TRIM23: variants seen among roughly 807,000 people sequenced by gnomAD.
TRIM23 encodes the protein E3 ubiquitin-protein ligase TRIM23.
Under a neutral mutation model 71.0 loss-of-function variants are expected in TRIM23, and 27 were observed. That is an observed-to-expected ratio of 0.38 (90% confidence interval 0.28 to 0.52). The LOEUF (loss-of-function observed/expected upper bound fraction) is 0.52, where lower values mean the gene tolerates loss of function less well. Ranked by LOEUF, TRIM23 falls within the 20% of genes least tolerant of loss-of-function variation. The pLI, the probability that TRIM23 is intolerant of heterozygous loss-of-function variation, is 0.84. For missense variants in TRIM23, 482 were observed against 692.3 expected, an observed-to-expected ratio of 0.70 and a Z score of 3.41; for synonymous variants, 234 against 238.0, an observed-to-expected ratio of 0.98 and a Z score of 0.16.
chr5:65,591,325 G>T lies in TRIM23; in HGVS notation c.*444C>A. On this transcript the variant is annotated 3_prime_UTR_variant, in exon 11 of 11. Transcript: ENST00000231524. Reference sequence around the variant, plus strand: ...ACTGTCATTTCTACTACTAAATGCTGCCAACATTCAGTGAAAAGGCAGGTT... The same window carrying T: ...ACTGTCATTTCTACTACTAAATGCTTCCAACATTCAGTGAAAAGGCAGGTT... 7.0e-7 allele frequency: 1 copy of T among 1,424,908 alleles called. No homozygotes were observed. The highest frequency in any genetic ancestry group is 9.2e-7 in the Non-Finnish European group (1 of 1,089,428). The allele number at this position is 1,424,908 out of a possible 1,614,324, so 88.3% of individuals were successfully genotyped here. A position where few individuals can be genotyped will look rare whatever the true frequency, so the allele number is the denominator to read the frequency against.
chr5:65,615,814 T>C (rs996260211), intron 2 of TRIM23, among the ~76,000 whole-genome samples: 1 of 152,252 alleles, frequency 6.6e-6, no homozygotes, highest in Non-Finnish European at 1.5e-5. Flanking sequence ...CACTTAATTC[T>C]GTGTCAAAAC....
At chr5:65,608,043 G>C (rs1754552349) in intron 6 of TRIM23, among the ~76,000 whole-genome samples, 1 of 152,134 alleles carries the variant, frequency 6.6e-6, no homozygotes, top group Non-Finnish European at 1.5e-5. Flanking sequence ...TTATTAACTA[G>C]GTAGCTAAAA....
intron 6 of TRIM23, among the ~76,000 whole-genome samples, chr5:65,605,804 C>A (rs1754479767): frequency 6.6e-6 from 1 of 152,126 alleles, no homozygotes; most frequent in Admixed American, 6.5e-5. Context: ...TGTTTTTGCT[C>A]ACTGTTAGAT....
chr5:65,604,997 C>G lies in TRIM23; in HGVS notation c.1093G>C (p.Glu365Gln), dbSNP rs1754458211. ...LAKQEITRLL[E>Q]TLQKQQQQFT... ...TGCTGCTGCTGTTTCTGCAATGTTT[C>G]CAGTAACCTTGTAATTTCCTGTTTT... Residue 365 changes from glutamate (E) to glutamine (Q), a missense_variant, in exon 7 of 11, where the codon GAA becomes CAA. This residue lies in a region of TRIM23 where 307 missense variants were observed against 495.8 expected (regional missense o/e 0.62). Transcript: ENST00000231524. 4.3e-6 allele frequency: 7 copies of G among 1,613,886 alleles called. No individual in the cohort carries two copies. The highest frequency in any genetic ancestry group is 5.9e-6 in the Non-Finnish European group (7 of 1,179,932).
chr5:65,590,137 G>A lies in TRIM23; in HGVS notation c.*1632C>T, dbSNP rs1306651262. The A allele has an allele frequency of 3.9e-6, 2 of 514,102 alleles. No homozygotes were observed. Among genetic ancestry groups the A allele is most frequent in the Non-Finnish European group, 7.0e-6 (2 of 285,390 alleles). The allele number at this position is 514,102 out of a possible 1,614,324, so 31.8% of individuals were successfully genotyped here. A position where few individuals can be genotyped will look rare whatever the true frequency, so the allele number is the denominator to read the frequency against. ...AAAAGGGAAGCAAGTTCACCTTAGT[G>A]TTACACTTTTTCTTCAATTAACTAG... On this transcript the variant is annotated 3_prime_UTR_variant, in exon 11 of 11. Coordinates refer to ENST00000231524, the MANE Select transcript of TRIM23 (RefSeq NM_001656.4).
At chr5:65,603,596 A>C (rs1754417897) in intron 7 of TRIM23, among the ~76,000 whole-genome samples, 1 of 152,238 alleles carries the variant, frequency 6.6e-6, no homozygotes, top group East Asian at 1.9e-4. Context: ...TAGAAGGACC[A>C]GGCATAAAAG....
Position 65,591,830 on chromosome 5 carries a change from T to C in TRIM23, c.1664A>G (p.Tyr555Cys). ...CCGTGAGAGCCAGTCCAACCCTTCA[T>C]ACAGTCCCATACCACTTCGAGCATC... ...GCDARSGMGL[Y>C]EGLDWLSRQL... The change falls in exon 11 of 11, where the codon TAT becomes TGT. Residue 555 changes from tyrosine (Y) to cysteine (C), a missense_variant. Tyr to Cys is a radical substitution (Grantham distance 194). This residue lies in a region of TRIM23 where 307 missense variants were observed against 495.8 expected (regional missense o/e 0.62). Coordinates refer to ENST00000231524, the MANE Select transcript of TRIM23 (RefSeq NM_001656.4). 6.2e-7 allele frequency: 1 copy of C among 1,613,702 alleles called. No homozygotes were observed. Among genetic ancestry groups the C allele is most frequent in the Non-Finnish European group, 8.5e-7 (1 of 1,179,758 alleles).
intron 2 of TRIM23, 121 bp downstream of exon 2, chr5:65,617,971 CT>C (rs1754817347): frequency 4.7e-6 from 5 of 1,073,506 alleles, no homozygotes; most frequent in Non-Finnish European, 6.4e-6. Context: ...GAAACTTAGG[CT>C]TTCTGAAACT....
intron 6 of TRIM23, among the ~76,000 whole-genome samples, chr5:65,607,964 C>T (rs1244878891): frequency 6.6e-6 from 1 of 151,950 alleles, no homozygotes; most frequent in Non-Finnish European, 1.5e-5. Context: ...AAGGTCAAAT[C>T]GGAAGACACA....
intron 1 of TRIM23, among the ~76,000 whole-genome samples, chr5:65,620,974 G>A (rs1360429113): frequency 3.3e-5 from 5 of 151,882 alleles, no homozygotes; most frequent in African/African-American, 1.2e-4. Flanking sequence ...AGGTTGCTAT[G>A]AGCCATGATC....
intron 1 of TRIM23, among the ~76,000 whole-genome samples, chr5:65,621,562 C>T (rs1456005634): frequency 6.6e-6 from 1 of 152,056 alleles, no homozygotes; most frequent in Non-Finnish European, 1.5e-5. Flanking sequence ...TCAAAAAGCA[C>T]TAATAAAATT....
chr5:65,595,382 C>T (rs1188762806), intron 9 of TRIM23, among the ~76,000 whole-genome samples: 1 of 151,806 alleles, frequency 6.6e-6, no homozygotes, highest in African/African-American at 2.4e-5. Context: ...ATGGTGAAAC[C>T]CCGTCTCTAC....
intron 2 of TRIM23, 82 bp downstream of exon 2, chr5:65,618,011 A>C: frequency 1.5e-6 from 2 of 1,360,152 alleles, no homozygotes; most frequent in Non-Finnish European, 1.9e-6. Context: ...TCTAAAAATC[A>C]AGTGGAAGGA....
chr5:65,621,695 A>C (rs1754951176), intron 1 of TRIM23, among the ~76,000 whole-genome samples: 1 of 152,214 alleles, frequency 6.6e-6, no homozygotes, highest in Non-Finnish European at 1.5e-5. Flanking sequence ...ATTGTGGTTA[A>C]CAGCAAAAAA....
Position 65,613,606 on chromosome 5 carries a change from G to A in TRIM23, c.366+492C>T, listed in dbSNP as rs1016881324. 5 of 779,506 alleles carry A rather than the reference G, an allele frequency of 6.4e-6. No individual in the cohort carries two copies. In the African/African-American group the frequency reaches 7.4e-5, roughly 12 times the overall value. 48.3% of individuals were successfully genotyped at this position (779,506 alleles called of 1,614,324 possible). A position where few individuals can be genotyped will look rare whatever the true frequency, so the allele number is the denominator to read the frequency against. ...TATTTACTAGACATCTACCTGTATG[G>A]ATAAAGACAGTACATCTATACAAAG... On this transcript the variant is annotated intron_variant, in intron 3 of 10. Transcript: ENST00000231524.
chr5:65,618,185 C>T lies in TRIM23; in HGVS notation c.152G>A (p.Cys51Tyr). ...QGDKVPRLLL[C>Y]GHTVCHDCLT... Reference sequence around the variant, plus strand: ...ACAGTCATGACAGACGGTATGGCCACAAAGCAAAAGACGGGGAACTTTGTC... The same window carrying T: ...ACAGTCATGACAGACGGTATGGCCATAAAGCAAAAGACGGGGAACTTTGTC... Residue 51 changes from cysteine (C) to tyrosine (Y), a missense_variant, in exon 2 of 11, where the codon TGT becomes TAT. By Grantham distance (194) the Cys-to-Tyr change is radical. Transcript: ENST00000231524. The T allele has an allele frequency of 6.2e-7, 1 of 1,613,998 alleles. No individual in the cohort carries two copies. Among genetic ancestry groups the T allele is most frequent in the Non-Finnish European group, 8.5e-7 (1 of 1,179,962 alleles).
chr5:65,615,777 TTACTA>T (rs1754762977), intron 2 of TRIM23, among the ~76,000 whole-genome samples: 1 of 152,250 alleles, frequency 6.6e-6, no homozygotes, highest in African/African-American at 2.4e-5. Flanking sequence ...TCTAGCATTA[TTACTA>T]GGTAGTGCCT....
In TRIM23 at chr5:65,591,098, C is replaced by G; in HGVS notation, c.*671G>C. 9.8e-7 allele frequency: 1 copy of G among 1,019,774 alleles called. No individual in the cohort carries two copies. The highest frequency in any genetic ancestry group is 1.2e-6 in the Non-Finnish European group (1 of 852,750). The allele number at this position is 1,019,774 out of a possible 1,614,324, so 63.2% of individuals were successfully genotyped here. A position where few individuals can be genotyped will look rare whatever the true frequency, so the allele number is the denominator to read the frequency against. The stretch of plus-strand genomic sequence containing the variant: ...ACTGTTCAGTTTATTACTAACCTGA[C>G]AAGCCTAATTGGGTAACATTTCACT... On this transcript the variant is annotated 3_prime_UTR_variant, in exon 11 of 11. Transcript: ENST00000231524.
At position 65,590,932 on chromosome 5, in the gene TRIM23, A is replaced by G. The variant is rs1754003585; in HGVS notation, c.*837T>C. ...ATTTTACCTATAGTCATTCCCACAA[A>G]GGATGCAATATTATATTAGAAAGAA... is the stretch of plus-strand genomic sequence containing the variant. On this transcript the variant is annotated 3_prime_UTR_variant, in exon 11 of 11. Transcript: ENST00000231524. The G allele has an allele frequency of 3.0e-6, 3 of 984,988 alleles. No homozygotes were observed. In the South Asian group the frequency reaches 1.4e-4, roughly 46 times the overall value. 61.0% of individuals were successfully genotyped at this position (984,988 alleles called of 1,614,324 possible).
Sources: allele counts gnomAD v4.1 joint callset (sites outside exome capture counted in the v4.1 genomes callset), GRCh38; gene constraint gnomAD v4.1.1; regional missense constraint gnomAD v4.1.1; transcripts MANE v1.5; gene names NCBI Gene and HGNC (gene_info 2026-07-23, HGNC 2026-07-21).